Variants in TIRAP observed in about 807,000 individuals in gnomAD.
The protein encoded by TIRAP is toll/interleukin-1 receptor domain-containing adapter protein.
TIRAP carries 20 observed loss-of-function variants against 19.8 expected under a neutral mutation model. The observed-to-expected ratio is 1.01, with a 90% CI of 0.71 to 1.47. The LOEUF (loss-of-function observed/expected upper bound fraction) is 1.47, where lower values mean the gene tolerates loss of function less well. Ranked by LOEUF, TIRAP falls within the 40% of genes most tolerant of loss-of-function variation. The pLI is 0.00. For missense variants in TIRAP, 276 were observed against 285.1 expected, an observed-to-expected ratio of 0.97 and a Z score of 0.23; for synonymous variants, 125 against 121.7, an observed-to-expected ratio of 1.03 and a Z score of -0.18.
In TIRAP at chr11:126,287,822, C is replaced by G. The variant is rs909596572; in HGVS notation, c.-216-2640C>G. 6.6e-6 allele frequency among the ~76,000 whole-genome samples: 1 copy of G among 152,182 alleles called. No homozygotes were observed. The highest frequency in any genetic ancestry group is 2.1e-4 in the South Asian group (1 of 4,830). On this transcript the variant is annotated intron_variant, in intron 1 of 4. Transcript: ENST00000392679. This position sits in a 1 kb window ranked among gnomAD's most constrained non-coding sequence, Gnocchi z 4.2. ...AGGCTGGAGCACAGTGGTGCAATCT[C>G]GGCTCACTGCAACCTCTGCCTCCCA...
chr11:126,290,542 A>G lies in TIRAP; in HGVS notation c.-136A>G. The G allele has an allele frequency of 9.7e-7, 1 of 1,028,604 alleles. No individual in the cohort carries two copies. The highest frequency in any genetic ancestry group is 4.5e-5 in the South Asian group (1 of 22,194). 63.7% of individuals were successfully genotyped at this position (1,028,604 alleles called of 1,614,324 possible). Reference sequence around the variant, plus strand: ...CCCGAATATCCTCCTGGCCAGGTGGAGCAGAGAACAGTTCCTCAGCTGGTC... The same window carrying G: ...CCCGAATATCCTCCTGGCCAGGTGGGGCAGAGAACAGTTCCTCAGCTGGTC... On this transcript the variant is annotated 5_prime_UTR_variant, in exon 2 of 5. Transcript: ENST00000392679. This position sits in a 1 kb window ranked among gnomAD's most constrained non-coding sequence, Gnocchi z 4.9.
At chr11:126,289,166 GGTTT>G (rs1369841902) in intron 1 of TIRAP, among the ~76,000 whole-genome samples, 1 of 152,182 alleles carries the variant, frequency 6.6e-6, no homozygotes, top group African/African-American at 2.4e-5. Flanking sequence ...TTGCTGCTAT[GGTTT>G]AAGTTCTACT....
In TIRAP at chr11:126,283,099, C is replaced by T; in HGVS notation, c.-271C>T. The T allele has an allele frequency of 1.0e-6, 1 of 985,238 alleles. No homozygotes were observed. The highest frequency in any genetic ancestry group is 1.2e-6 in the Non-Finnish European group (1 of 829,860). 61.0% of individuals were successfully genotyped at this position (985,238 alleles called of 1,614,324 possible). A position where few individuals can be genotyped will look rare whatever the true frequency, so the allele number is the denominator to read the frequency against. The stretch of plus-strand genomic sequence containing the variant: ...GAGCGGGGCCTGCGCGCTGCTCTTC[C>T]CCGCGGAGCCCGCGCAGTCCGCGCA... On this transcript the variant is annotated 5_prime_UTR_variant, in exon 1 of 5. Coordinates refer to ENST00000392679, the MANE Select transcript of TIRAP (RefSeq NM_001318777.2).
Position 126,290,761 on chromosome 11 carries a change from G to GT in TIRAP, c.-92-41dup. The GT allele has an allele frequency of 6.8e-7, 1 of 1,462,920 alleles. No homozygotes were observed. Among genetic ancestry groups the GT allele is most frequent in the East Asian group, 2.7e-5 (1 of 37,364 alleles). 90.6% of individuals were successfully genotyped at this position (1,462,920 alleles called of 1,614,324 possible). A position where few individuals can be genotyped will look rare whatever the true frequency, so the allele number is the denominator to read the frequency against. On this transcript the variant is annotated intron_variant, in intron 2 of 4. Coordinates refer to ENST00000392679, the MANE Select transcript of TIRAP (RefSeq NM_001318777.2). The surrounding 1 kb of genome is among the most constrained non-coding windows in gnomAD (Gnocchi z 4.9). ...CTCATCCATGGGGAATGAGAGCAGG[G>GT]TAAGTGCAGCCTTTGTGATTCTCTC...
rs1169047265 is a variant in TIRAP at position 126,290,943 on chromosome 11, C to A, written c.49C>A (p.Pro17Thr). ...LPAPGSRPKK[P>T]LGKMADWFRQ... ...AGCTCCTGGCTCTCGGCCTAAGAAGCCTCTAGGCAAGATGGCTGGTGAGTG... is the reference window on the plus strand; with the variant it reads ...AGCTCCTGGCTCTCGGCCTAAGAAGACTCTAGGCAAGATGGCTGGTGAGTG... Residue 17 changes from proline to threonine, a missense_variant, in exon 3 of 5, where the codon CCT (proline) becomes ACT (threonine). Transcript: ENST00000392679. The surrounding 1 kb of genome is among the most constrained non-coding windows in gnomAD (Gnocchi z 4.9). 6.2e-7 allele frequency: 1 copy of A among 1,606,378 alleles called. No homozygotes were observed. The highest frequency in any genetic ancestry group is 8.5e-7 in the Non-Finnish European group (1 of 1,175,884).
In TIRAP at chr11:126,290,144, A is replaced by G. The variant is rs1951363244; in HGVS notation, c.-216-318A>G. On this transcript the variant is annotated intron_variant, in intron 1 of 4. Coordinates refer to ENST00000392679, the MANE Select transcript of TIRAP (RefSeq NM_001318777.2). The surrounding 1 kb of genome is among the most constrained non-coding windows in gnomAD (Gnocchi z 4.9). ...ATTTAATCTTCACAATAATGCTGAG[A>G]AGGAGGCTCTAGTACTTCCATTTCA... Among the ~76,000 whole-genome samples, 1 of 152,204 alleles carries G rather than the reference A, an allele frequency of 6.6e-6. No homozygotes were observed. Among genetic ancestry groups the G allele is most frequent in the East Asian group, 1.9e-4 (1 of 5,200 alleles).
Position 126,293,809 on chromosome 11 carries a change from C to A in TIRAP, c.*122C>A. ...AGGGAGTGAGTCACAGCGCTTTGCTCGTGACCCTGGGATCAGAGCACCCAT... is the reference window on the plus strand; with the variant it reads ...AGGGAGTGAGTCACAGCGCTTTGCTAGTGACCCTGGGATCAGAGCACCCAT... On this transcript the variant is annotated 3_prime_UTR_variant, in exon 5 of 5. Coordinates refer to ENST00000392679, the MANE Select transcript of TIRAP (RefSeq NM_001318777.2). 9.0e-7 allele frequency: 1 copy of A among 1,115,328 alleles called. No homozygotes were observed. Among genetic ancestry groups the A allele is most frequent in the Non-Finnish European group, 1.4e-6 (1 of 735,492 alleles). The allele number at this position is 1,115,328 out of a possible 1,614,324, so 69.1% of individuals were successfully genotyped here.
chr11:126,283,158 G>A lies in TIRAP; in HGVS notation c.-217+5G>A. On this transcript the variant is annotated splice_donor_5th_base_variant and intron_variant, in intron 1 of 4. Coordinates refer to ENST00000392679, the MANE Select transcript of TIRAP (RefSeq NM_001318777.2). ...CGCAACTGGGCCCGCGCGCAGGTGA[G>A]CCCGGGGCGGGGTCGCGGGGGACCG... 7.1e-6 allele frequency: 7 copies of A among 984,560 alleles called. No individual in the cohort carries two copies. Among genetic ancestry groups the A allele is most frequent in the Non-Finnish European group, 8.4e-6 (7 of 829,430 alleles). The allele number at this position is 984,560 out of a possible 1,614,324, so 61.0% of individuals were successfully genotyped here. A position where few individuals can be genotyped will look rare whatever the true frequency, so the allele number is the denominator to read the frequency against.
chr11:126,284,683 G>A (rs930288236), intron 1 of TIRAP, among the ~76,000 whole-genome samples: 4 of 151,816 alleles, frequency 2.6e-5, no homozygotes, highest in African/African-American at 4.8e-5. Flanking sequence ...GTGAAACCCC[G>A]TCTCTACTAA....
rs2135291119 is a variant in TIRAP at position 126,291,696 on chromosome 11, T to C, written c.67+735T>C. 3 of 378,960 alleles carry C rather than the reference T, an allele frequency of 7.9e-6. No homozygotes were observed. The highest frequency in any genetic ancestry group is 1.4e-3 in the Middle Eastern group (2 of 1,388). The allele number at this position is 378,960 out of a possible 1,614,324, so 23.5% of individuals were successfully genotyped here. ...CCAGTCCTCCGTACCCCTTCCTTCC[T>C]GTATACGTAGCCCTTCCTAATCTAA... is the stretch of plus-strand genomic sequence containing the variant. On this transcript the variant is annotated intron_variant, in intron 3 of 4. Transcript: ENST00000392679. This position sits in a 1 kb window ranked among gnomAD's most constrained non-coding sequence, Gnocchi z 5.6.
In TIRAP at chr11:126,290,857, A is replaced by G. The variant is rs754008409; in HGVS notation, c.-38A>G. On this transcript the variant is annotated 5_prime_UTR_variant, in exon 3 of 5. The change abolishes an upstream ATG in the 5' untranslated region. Transcript: ENST00000392679. This position sits in a 1 kb window ranked among gnomAD's most constrained non-coding sequence, Gnocchi z 4.9. ...TCTCCTCCCTCCTCCCCCTTCACCA[A>G]TGCCTGGTCTCACGGGGCTAGTTTT... is the stretch of plus-strand genomic sequence containing the variant. 1 of 1,581,116 alleles carries G rather than the reference A, an allele frequency of 6.3e-7. No homozygotes were observed. Among genetic ancestry groups the G allele is most frequent in the Non-Finnish European group, 8.6e-7 (1 of 1,161,938 alleles).
chr11:126,289,946 G>C (rs1421296047), intron 1 of TIRAP: 12 of 490,416 alleles, frequency 2.4e-5, no homozygotes, highest in Middle Eastern at 1.0e-3. Flanking sequence ...TCTAGACTTT[G>C]GAACAGCACT....
rs901038578 is a variant in TIRAP at position 126,293,227 on chromosome 11, G to C, written c.646+172G>C. ...CTTATTAACCCATAAAAAGTAACTT[G>C]GCCAAGTTACTCACCCGCTCTGTGC... is the stretch of plus-strand genomic sequence containing the variant. On this transcript the variant is annotated intron_variant, in intron 4 of 4. Transcript: ENST00000392679. 2.0e-5 allele frequency: 25 copies of C among 1,273,014 alleles called. No homozygotes were observed. In the African/African-American group the frequency reaches 3.4e-4, roughly 17 times the overall value. The allele number at this position is 1,273,014 out of a possible 1,614,324, so 78.9% of individuals were successfully genotyped here.
intron 1 of TIRAP, among the ~76,000 whole-genome samples, chr11:126,285,485 C>T (rs8177357): frequency 1.3e-5 from 2 of 151,306 alleles, no homozygotes; most frequent in African/African-American, 4.8e-5. Flanking sequence ...TGATCTTGAA[C>T]TCCTGACCTA....
In TIRAP at chr11:126,287,062, C is replaced by T. The variant is rs961378523; in HGVS notation, c.-216-3400C>T. Among the ~76,000 whole-genome samples the T allele has an allele frequency of 6.6e-6, 1 of 152,182 alleles. No individual in the cohort carries two copies. Among genetic ancestry groups the T allele is most frequent in the Non-Finnish European group, 1.5e-5 (1 of 68,024 alleles). ...GTAATCCAGGAATCCCTCCCCATCA[C>T]AAGGTTCTTAATCACAGCTGCCGAA... On this transcript the variant is annotated intron_variant, in intron 1 of 4. Transcript: ENST00000392679. The surrounding 1 kb of genome is among the most constrained non-coding windows in gnomAD (Gnocchi z 4.2).
chr11:126,293,709 C>T lies in TIRAP; in HGVS notation c.*22C>T, dbSNP rs1035116406. ...TTGACACTTGTTATATCATGGGACC[C>T]CGGAAATTGGAGTGAAGCTAGAAAC... On this transcript the variant is annotated 3_prime_UTR_variant, in exon 5 of 5. Transcript: ENST00000392679. The T allele has an allele frequency of 3.1e-6, 5 of 1,613,882 alleles. No individual in the cohort carries two copies. In the African/African-American group the frequency reaches 6.7e-5, roughly 22 times the overall value.
chr11:126,283,249 GC>G, intron 1 of TIRAP, 96 bp downstream of exon 1: 1 of 697,244 alleles, frequency 1.4e-6, no homozygotes, highest in Non-Finnish European at 1.8e-6. Context: ...CAGAGTCCCG[GC>G]CCCACCGAGA....
In TIRAP at chr11:126,290,518, C is replaced by T; in HGVS notation, c.-160C>T. On this transcript the variant is annotated 5_prime_UTR_variant, in exon 2 of 5. Coordinates refer to ENST00000392679, the MANE Select transcript of TIRAP (RefSeq NM_001318777.2). This position sits in a 1 kb window ranked among gnomAD's most constrained non-coding sequence, Gnocchi z 4.9. ...CCTGCCAGCTGCCCTTCCCCAGATC[C>T]CGAATATCCTCCTGGCCAGGTGGAG... is the stretch of plus-strand genomic sequence containing the variant. 2.0e-6 allele frequency: 2 copies of T among 1,012,354 alleles called. No homozygotes were observed. Among genetic ancestry groups the T allele is most frequent in the Non-Finnish European group, 2.4e-6 (2 of 848,172 alleles). 62.7% of individuals were successfully genotyped at this position (1,012,354 alleles called of 1,614,324 possible).
At position 126,291,133 on chromosome 11, in the gene TIRAP, G is replaced by A. The variant is rs988999045; in HGVS notation, c.67+172G>A. 2.5e-6 allele frequency: 2 copies of A among 797,364 alleles called. No individual in the cohort carries two copies. The highest frequency in any genetic ancestry group is 5.4e-5 in the East Asian group (2 of 36,888). The allele number at this position is 797,364 out of a possible 1,614,324, so 49.4% of individuals were successfully genotyped here. ...GGATGCTTTGTGGAGAGTGAGGAGG[G>A]GAGGCCTGCGTCAGCTCAGCCAGAT... On this transcript the variant is annotated intron_variant, in intron 3 of 4. Transcript: ENST00000392679. The surrounding 1 kb of genome is among the most constrained non-coding windows in gnomAD (Gnocchi z 5.6).
Sources: allele counts gnomAD v4.1 joint callset (sites outside exome capture counted in the v4.1 genomes callset), GRCh38; gene constraint gnomAD v4.1.1; non-coding constraint Gnocchi (gnomAD v3.1); transcripts MANE v1.5; gene names NCBI Gene and HGNC (gene_info 2026-07-23, HGNC 2026-07-21).